Variants in ZNF385D observed in about 807,000 individuals in gnomAD.
ZNF385D encodes the protein zinc finger protein 385D, also known as zinc finger protein 659.
In ZNF385D, 15 loss-of-function variants were observed where a neutral mutation model predicts 35.8. The observed-to-expected ratio is 0.42, with a 90% CI of 0.28 to 0.64. The LOEUF (loss-of-function observed/expected upper bound fraction) is 0.64, where lower values mean the gene tolerates loss of function less well. Among genes scored for constraint, ZNF385D ranks in the 30% least tolerant of loss-of-function variants. The pLI is 0.23. For synonymous variants in ZNF385D, 212 were observed against 186.8 expected, an observed-to-expected ratio of 1.13 and a Z score of -1.10; for missense variants, 474 against 494.6, an observed-to-expected ratio of 0.96 and a Z score of 0.39.
At chr3:22,153,612 C>T (rs957906978) in intron 3 of ZNF385D, among the ~76,000 whole-genome samples, 2 of 151,736 alleles carry the variant, frequency 1.3e-5, no homozygotes, top group Non-Finnish European at 2.9e-5. Flanking sequence ...TAAAGGCACC[C>T]ACCACTATAC....
chr3:22,271,988 T>C (rs1395961322), intron 2 of ZNF385D, among the ~76,000 whole-genome samples: 1 of 152,076 alleles, frequency 6.6e-6, no homozygotes, highest in Non-Finnish European at 1.5e-5. Context: ...TCAGCAATCA[T>C]GTGGTTAAAC....
chr3:21,502,361 C>A (rs1706440785), intron 4 of ZNF385D, among the ~76,000 whole-genome samples: 1 of 152,142 alleles, frequency 6.6e-6, no homozygotes, highest in African/African-American at 2.4e-5. Context: ...CCACTCTCCC[C>A]TGTGAAAAGG....
intron 3 of ZNF385D, among the ~76,000 whole-genome samples, chr3:21,529,046 A>G (rs890434011): frequency 6.6e-6 from 1 of 152,208 alleles, no homozygotes; most frequent in African/African-American, 2.4e-5. Context: ...TGGACTAAAC[A>G]AAATCACTTT....
At chr3:21,837,419 TG>T (rs1318322455) in intron 3 of ZNF385D, among the ~76,000 whole-genome samples, 1 of 152,076 alleles carries the variant, frequency 6.6e-6, no homozygotes, top group Non-Finnish European at 1.5e-5. Flanking sequence ...ATGGTTCAGT[TG>T]GGATGGCTAG....
chr3:21,689,130 C>CAAAAAAAAA (rs5847126), intron 1 of ZNF385D, among the ~76,000 whole-genome samples: 1 of 114,372 alleles, frequency 8.7e-6, no homozygotes, highest in Non-Finnish European at 1.8e-5. Context: ...CTTATTGAAG[C>CAAAAAAAAA]AAAAAAAAAA....
intron 3 of ZNF385D, among the ~76,000 whole-genome samples, chr3:22,105,122 T>C (rs1702138881): frequency 1.3e-5 from 2 of 152,174 alleles, no homozygotes; most frequent in South Asian, 2.1e-4. Flanking sequence ...TACAGTCTAA[T>C]GTACTTATCT....
intron 3 of ZNF385D, among the ~76,000 whole-genome samples, chr3:21,801,397 G>C (rs2072393146): frequency 1.3e-5 from 2 of 152,166 alleles, no homozygotes; most frequent in South Asian, 4.1e-4. Flanking sequence ...GAAGATAAGT[G>C]TTAATTATTC....
At chr3:21,822,465 T>A (rs879485599) in intron 3 of ZNF385D, among the ~76,000 whole-genome samples, 6 of 152,242 alleles carry the variant, frequency 3.9e-5, no homozygotes, top group Non-Finnish European at 8.8e-5. Context: ...CAGGCACGCA[T>A]GATACTTTGC....
intron 3 of ZNF385D, among the ~76,000 whole-genome samples, chr3:21,782,164 A>T (rs1366062845): frequency 3.9e-5 from 6 of 152,034 alleles, no homozygotes; most frequent in Admixed American, 3.9e-4. Flanking sequence ...ATGGTGGTCA[A>T]TCTCTGCTCC....
At chr3:22,293,019 C>G (rs1462022135) in intron 2 of ZNF385D, among the ~76,000 whole-genome samples, 1 of 152,020 alleles carries the variant, frequency 6.6e-6, no homozygotes, top group Admixed American at 6.6e-5. Context: ...TTGATTTCAA[C>G]AGTTACCTCA....
intron 3 of ZNF385D, chr3:21,562,127 G>C (rs1449947710): frequency 1.3e-5 from 2 of 152,114 alleles, no homozygotes; most frequent in Non-Finnish European, 2.9e-5. Context: ...TGAGAAGCCA[G>C]TTGTCCCTAA....
intron 3 of ZNF385D, among the ~76,000 whole-genome samples, chr3:22,048,442 A>G (rs958857362): frequency 2.6e-5 from 4 of 152,126 alleles, no homozygotes; most frequent in African/African-American, 9.7e-5. Flanking sequence ...GATAAGGATT[A>G]AATTTTATTA....
At chr3:21,671,855 A>G (rs568901736) in intron 1 of ZNF385D, among the ~76,000 whole-genome samples, 2 of 152,298 alleles carry the variant, frequency 1.3e-5, no homozygotes, top group South Asian at 4.1e-4. Context: ...TATCCCCAGC[A>G]TGGGAACATG....
At chr3:22,000,030 G>T (rs111618553) in intron 3 of ZNF385D, among the ~76,000 whole-genome samples, 1 of 152,266 alleles carries the variant, frequency 6.6e-6, no homozygotes, top group African/African-American at 2.4e-5. Flanking sequence ...TCTAGGCCGG[G>T]CATGGTGGCT....
At chr3:22,075,867 T>C (rs1274370616) in intron 3 of ZNF385D, among the ~76,000 whole-genome samples, 1 of 151,958 alleles carries the variant, frequency 6.6e-6, no homozygotes, top group African/African-American at 2.4e-5. Flanking sequence ...ACTCTTCTTG[T>C]CTTCCCAAAC....
chr3:21,727,500 T>C (rs1487645379), intron 1 of ZNF385D, among the ~76,000 whole-genome samples: 2 of 151,952 alleles, frequency 1.3e-5, no homozygotes, highest in Non-Finnish European at 2.9e-5. Context: ...CCATCAAAAA[T>C]GGGCAAAGGA....
intron 1 of ZNF385D, among the ~76,000 whole-genome samples, chr3:21,678,123 CCT>C (rs2066785335): frequency 6.6e-6 from 1 of 152,090 alleles, no homozygotes; most frequent in African/African-American, 2.4e-5. Flanking sequence ...GGCATCCAAA[CCT>C]CTCTGTAAGT....
intron 3 of ZNF385D, among the ~76,000 whole-genome samples, chr3:21,820,176 C>T (rs1173209148): frequency 6.6e-6 from 1 of 151,372 alleles, no homozygotes; most frequent in Non-Finnish European, 1.5e-5. Context: ...CTTTTAAAGC[C>T]CAGTTGGAAC....
chr3:21,814,981 G>C (rs1487964646), intron 3 of ZNF385D, among the ~76,000 whole-genome samples: 1 of 152,118 alleles, frequency 6.6e-6, no homozygotes, highest in African/African-American at 2.4e-5. Context: ...ATAACAAACT[G>C]TCTCTCAGAC....
Sources: allele counts gnomAD v4.1 joint callset (sites outside exome capture counted in the v4.1 genomes callset), GRCh38; gene constraint gnomAD v4.1.1; transcripts MANE v1.5; gene names NCBI Gene and HGNC (gene_info 2026-07-23, HGNC 2026-07-21).